MBD5: variants seen among roughly 807,000 people sequenced by gnomAD.
The protein encoded by MBD5 is methyl-CpG-binding domain protein 5.
In MBD5, 13 loss-of-function variants were observed where a neutral mutation model predicts 117.3. That is an observed-to-expected ratio of 0.11 (90% CI 0.07 to 0.18). The LOEUF (loss-of-function observed/expected upper bound fraction) is 0.18, where lower values mean the gene tolerates loss of function less well. Among genes scored for constraint, MBD5 ranks in the 10% least tolerant of loss-of-function variants. The pLI, the probability that MBD5 is intolerant of heterozygous loss-of-function variation, is 1.00. For missense variants in MBD5, 1,879 were observed against 2,093.8 expected, an observed-to-expected ratio of 0.90 and a Z score of 2.00; for synonymous variants, 727 against 766.4, an observed-to-expected ratio of 0.95 and a Z score of 0.85.
rs112566611 is a variant in MBD5, at chr2:148,107,337, A to G, written c.-924-71363A>G. On this transcript the variant is annotated intron_variant, in intron 1 of 13. Coordinates refer to ENST00000642680, the MANE Select transcript of MBD5 (RefSeq NM_001378120.1). ...TTCCTTGATTTTCTGCAGTTTCACT[A>G]TGGTGTGTACAGTGTGTATTCTTTT... is the stretch of plus-strand genomic sequence containing the variant. 2.6e-3 allele frequency among the ~76,000 whole-genome samples: 394 copies of G among 152,070 alleles called. 1 individual carries two copies. Among genetic ancestry groups the G allele is most frequent in the African/African-American group, 8.9e-3 (369 of 41,540 alleles).
At chr2:148,145,195 G>A (rs1028046961) in intron 1 of MBD5, among the ~76,000 whole-genome samples, 26 of 151,996 alleles carry the variant, frequency 1.7e-4, no homozygotes, top group African/African-American at 5.3e-4. Context: ...TAGGTGTTTT[G>A]TTCTCTTTGA....
intron 13 of MBD5, among the ~76,000 whole-genome samples, chr2:148,511,215 C>T (rs1417924598): frequency 2.0e-5 from 3 of 152,132 alleles, no homozygotes; most frequent in African/African-American, 7.2e-5. Flanking sequence ...AAGAATACTG[C>T]CAGCATAGGT....
At chr2:148,426,470 C>A (rs1705790524) in intron 4 of MBD5, among the ~76,000 whole-genome samples, 1 of 151,902 alleles carries the variant, frequency 6.6e-6, no homozygotes, top group Non-Finnish European at 1.5e-5. Context: ...ACCAATGGAG[C>A]AGAACAGAGC....
At chr2:148,109,209 C>A (rs1696448057) in intron 1 of MBD5, among the ~76,000 whole-genome samples, 1 of 151,980 alleles carries the variant, frequency 6.6e-6, no homozygotes, top group Non-Finnish European at 1.5e-5. Flanking sequence ...CACTTGAGGC[C>A]AGGAGGTGGA....
rs533902913 is a variant in MBD5, at chr2:148,311,011, C to T, written c.-679-31203C>T. ...TTTGATTGTACTGTGGTCTGAGAGA[C>T]TGTTTGTTATAATTTCTGTTCTTTT... On this transcript the variant is annotated intron_variant, in intron 3 of 13. Transcript: ENST00000642680. Among the ~76,000 whole-genome samples, 5 of 152,230 alleles carry T rather than the reference C, an allele frequency of 3.3e-5. No individual in the cohort carries two copies. The South Asian group carries it at 1.0e-3, about 32-fold the overall frequency.
intron 11 of MBD5, among the ~76,000 whole-genome samples, chr2:148,493,152 C>T (rs149291318): frequency 9.9e-5 from 15 of 152,266 alleles, no homozygotes; most frequent in African/African-American, 3.6e-4. Context: ...TTTCTCATTC[C>T]GCCTTGCTAA....
intron 1 of MBD5, among the ~76,000 whole-genome samples, chr2:148,132,709 A>G (rs1008069715): frequency 4.6e-5 from 7 of 152,132 alleles, no homozygotes; most frequent in African/African-American, 1.4e-4. Context: ...CAGTCTCTTA[A>G]TCTAGGTTAG....
At chr2:148,417,643 T>C (rs1254935498) in intron 4 of MBD5, among the ~76,000 whole-genome samples, 1 of 152,204 alleles carries the variant, frequency 6.6e-6, no homozygotes, top group East Asian at 1.9e-4. Flanking sequence ...TTTTTAATAC[T>C]GGCCATTCTG....
At chr2:148,149,095 C>A (rs868740946) in intron 1 of MBD5, among the ~76,000 whole-genome samples, 1 of 150,770 alleles carries the variant, frequency 6.6e-6, no homozygotes, top group East Asian at 2.0e-4. Context: ...CCCACTCCCC[C>A]CACCCCACAA....
chr2:148,072,883 G>A (rs1008953260), intron 1 of MBD5, among the ~76,000 whole-genome samples: 2 of 152,096 alleles, frequency 1.3e-5, no homozygotes, highest in African/African-American at 4.8e-5. Flanking sequence ...CAGTGATTTG[G>A]TTGAGAAATA....
At chr2:148,118,903 T>C (rs752862163) in intron 1 of MBD5, among the ~76,000 whole-genome samples, 6 of 152,230 alleles carry the variant, frequency 3.9e-5, no homozygotes, top group Non-Finnish European at 5.9e-5. Flanking sequence ...ATTGTATGGA[T>C]ATATACCACA....
intron 1 of MBD5, among the ~76,000 whole-genome samples, chr2:148,086,480 T>C (rs192921507): frequency 6.6e-6 from 1 of 152,348 alleles, no homozygotes; most frequent in African/African-American, 2.4e-5. Flanking sequence ...ATATTAGTTC[T>C]ATGGAACTTA....
chr2:148,030,743 T>C (rs2105585599), intron 1 of MBD5, among the ~76,000 whole-genome samples: 1 of 152,288 alleles, frequency 6.6e-6, no homozygotes, highest in South Asian at 2.1e-4. Flanking sequence ...GATGAGAAAA[T>C]ATACTTACGT....
Position 148,470,162 on chromosome 2 carries a change from C to T in MBD5, c.2219C>T (p.Thr740Ile). 6.2e-7 allele frequency: 1 copy of T among 1,613,954 alleles called. No individual in the cohort carries two copies. Among genetic ancestry groups the T allele is most frequent in the African/African-American group, 1.3e-5 (1 of 75,032 alleles). Reference sequence around the variant, plus strand: ...TGCTCTGCTAACCAGCTGCATTTTACAGATCCCAGTATGAACTCTAGTGTT... The same window carrying T: ...TGCTCTGCTAACCAGCTGCATTTTATAGATCCCAGTATGAACTCTAGTGTT... ...LPCSANQLHF[T>I]DPSMNSSVLQ... Residue 740 changes from threonine (T) to isoleucine (I), a missense_variant, in exon 8 of 14, where the codon ACA becomes ATA. Physicochemically the swap from Thr to Ile is moderately conservative, Grantham distance 89 (BLOSUM62 -1). This residue lies in a region of MBD5 where 1,666 missense variants were observed against 1,792.2 expected (regional missense o/e 0.93). Transcript: ENST00000642680.
chr2:148,108,203 A>G (rs1026966957), intron 1 of MBD5, among the ~76,000 whole-genome samples: 1 of 152,204 alleles, frequency 6.6e-6, no homozygotes. Context: ...GACACAGAGT[A>G]TCAGAATTTG....
intron 4 of MBD5, among the ~76,000 whole-genome samples, chr2:148,343,263 A>T (rs1309518783): frequency 6.6e-6 from 1 of 151,964 alleles, no homozygotes; most frequent in Non-Finnish European, 1.5e-5. Flanking sequence ...TTGGGAGAAC[A>T]ATTTGTTTGC....
At chr2:148,187,312 C>T (rs1250109606) in intron 2 of MBD5, among the ~76,000 whole-genome samples, 2 of 151,372 alleles carry the variant, frequency 1.3e-5, no homozygotes, top group African/African-American at 4.9e-5. Flanking sequence ...CCATACCCCC[C>T]CCAAAAAAAA....
chr2:148,346,948 A>T (rs563194567), intron 4 of MBD5: 1 of 151,992 alleles, frequency 6.6e-6, no homozygotes, highest in African/African-American at 2.4e-5. Flanking sequence ...ATGAACCCCA[A>T]TGTACCTCAA....
chr2:148,100,537 C>T (rs1011826776), intron 1 of MBD5, among the ~76,000 whole-genome samples: 15 of 152,096 alleles, frequency 9.9e-5, no homozygotes, highest in African/African-American at 3.4e-4. Context: ...TCATGCTGTT[C>T]GGGGTCTCAA....
Sources: allele counts gnomAD v4.1 joint callset (sites outside exome capture counted in the v4.1 genomes callset), GRCh38; gene constraint gnomAD v4.1.1; regional missense constraint gnomAD v4.1.1; transcripts MANE v1.5; gene names NCBI Gene and HGNC (gene_info 2026-07-23, HGNC 2026-07-21).